Variants in UBE2E2 observed in about 807,000 individuals in gnomAD.
UBE2E2 encodes ubiquitin conjugating enzyme E2 E2, also known as ubiquitin-conjugating enzyme E2 E2.
UBE2E2 carries 6 observed loss-of-function variants against 24.7 expected under a neutral mutation model. The ratio of observed to expected loss-of-function variants is 0.24; its 90% CI spans 0.13 to 0.48. The LOEUF is 0.48. Among genes scored for constraint, UBE2E2 ranks in the 20% least tolerant of loss-of-function variants. The pLI is 0.99. For missense variants in UBE2E2, 169 were observed against 245.0 expected (o/e 0.69, Z 2.07); for synonymous variants, 104 against 83.6 (o/e 1.24, Z -1.33).
rs1159929391 is a variant in UBE2E2, at chr3:23,280,264, CT to C, written c.227+62958del. Reference sequence around the variant, plus strand: ...TTTATTAACCCTTTTATTTGTGACTCTTTTTTGGTATTCAGAATTGCACCCC... The same window carrying C: ...TTTATTAACCCTTTTATTTGTGACTCTTTTTGGTATTCAGAATTGCACCCC... On this transcript the variant is annotated intron_variant, in intron 3 of 5. Coordinates refer to ENST00000396703, the MANE Select transcript of UBE2E2 (RefSeq NM_152653.4). This position sits in a 1 kb window ranked among gnomAD's most constrained non-coding sequence, Gnocchi z 4.3. 1.3e-5 allele frequency among the ~76,000 whole-genome samples: 2 copies of C among 152,068 alleles called. No individual in the cohort carries two copies. The highest frequency in any genetic ancestry group is 2.9e-5 in the Non-Finnish European group (2 of 67,992).
intron 3 of UBE2E2, among the ~76,000 whole-genome samples, chr3:23,456,217 A>G (rs557898033): frequency 4.6e-5 from 7 of 152,288 alleles, no homozygotes; most frequent in African/African-American, 1.4e-4. Context: ...TTCTCTTGCT[A>G]TTTCTACCAT....
intron 3 of UBE2E2, among the ~76,000 whole-genome samples, chr3:23,292,930 G>A (rs984631674): frequency 3.0e-4 from 45 of 152,090 alleles, no homozygotes; most frequent in Non-Finnish European, 4.6e-4. Flanking sequence ...AAAATTAGCC[G>A]TACGTGGTGA....
intron 3 of UBE2E2, among the ~76,000 whole-genome samples, chr3:23,239,721 T>C (rs1207175317): frequency 6.6e-6 from 1 of 152,168 alleles, no homozygotes; most frequent in Non-Finnish European, 1.5e-5. Context: ...GAGTATTACA[T>C]AAGCCAGGCA....
intron 3 of UBE2E2, among the ~76,000 whole-genome samples, chr3:23,488,696 ATGGT>A (rs1559399987): frequency 6.6e-6 from 1 of 152,190 alleles, no homozygotes; most frequent in East Asian, 1.9e-4. Flanking sequence ...AGGGGCAGCA[ATGGT>A]TTACCCTCTT....
At position 23,334,977 on chromosome 3, in the gene UBE2E2, T is replaced by C. The variant is rs186396046; in HGVS notation, c.227+117665T>C. The stretch of plus-strand genomic sequence containing the variant: ...TTGAAATTTCCATTTTGTGAAAATT[T>C]GAGAGAAAGGAAACTTTTGAGCCTT... On this transcript the variant is annotated intron_variant, in intron 3 of 5. Transcript: ENST00000396703. 1.6e-3 allele frequency among the ~76,000 whole-genome samples: 251 copies of C among 152,318 alleles called. 2 individuals are homozygous for C. Among genetic ancestry groups the C allele is most frequent in the Admixed American group, 8.4e-3 (128 of 15,292 alleles).
chr3:23,371,377 A>T (rs928599506), intron 3 of UBE2E2, among the ~76,000 whole-genome samples: 2 of 151,992 alleles, frequency 1.3e-5, no homozygotes, highest in African/African-American at 2.4e-5. Context: ...AAATACCCAT[A>T]CCCTGCAGCA....
intron 3 of UBE2E2, among the ~76,000 whole-genome samples, chr3:23,314,026 A>G (rs1694498250): frequency 6.6e-6 from 1 of 152,222 alleles, no homozygotes; most frequent in African/African-American, 2.4e-5. Flanking sequence ...AGCAAACAAA[A>G]AGGAAACTAA....
At chr3:23,235,453 G>C (rs1023160814) in intron 3 of UBE2E2, among the ~76,000 whole-genome samples, 1 of 152,130 alleles carries the variant, frequency 6.6e-6, no homozygotes, top group African/African-American at 2.4e-5. Context: ...AGGGGGAGTG[G>C]GGAGTGGGCA....
At chr3:23,505,531 G>A (rs1694426544) in intron 4 of UBE2E2, among the ~76,000 whole-genome samples, 2 of 152,178 alleles carry the variant, frequency 1.3e-5, no homozygotes, top group South Asian at 4.1e-4. Context: ...GATAGTATCT[G>A]CTGGTGATAA....
intron 5 of UBE2E2, among the ~76,000 whole-genome samples, chr3:23,579,926 A>T (rs1696437636): frequency 6.6e-6 from 1 of 152,218 alleles, no homozygotes; most frequent in Non-Finnish European, 1.5e-5. Context: ...TGAGGGTTTC[A>T]CAACTTTTAT....
At chr3:23,383,800 T>A (rs1437027939) in intron 3 of UBE2E2, among the ~76,000 whole-genome samples, 1 of 152,062 alleles carries the variant, frequency 6.6e-6, no homozygotes, top group Admixed American at 6.6e-5. Flanking sequence ...ACTTTTAAAC[T>A]AAGTTATTCT....
At chr3:23,414,778 G>C (rs147891799) in intron 3 of UBE2E2, among the ~76,000 whole-genome samples, 64 of 152,290 alleles carry the variant, frequency 4.2e-4, no homozygotes, top group African/African-American at 1.5e-3. Flanking sequence ...CCTTATAAAA[G>C]AGGCTGAGGA....
intron 3 of UBE2E2, among the ~76,000 whole-genome samples, chr3:23,412,558 A>C (rs759708834): frequency 1.3e-5 from 2 of 152,216 alleles, no homozygotes; most frequent in Non-Finnish European, 2.9e-5. Flanking sequence ...AACAGGTTGG[A>C]ATGCCAGTTC....
intron 3 of UBE2E2, among the ~76,000 whole-genome samples, chr3:23,422,427 G>T (rs1553610253): frequency 6.6e-6 from 1 of 152,188 alleles, no homozygotes; most frequent in Non-Finnish European, 1.5e-5. Flanking sequence ...CACCAGTCCA[G>T]TGTTGCCAGG....
chr3:23,357,482 G>C (rs1356219618), intron 3 of UBE2E2, among the ~76,000 whole-genome samples: 1 of 152,008 alleles, frequency 6.6e-6, no homozygotes, highest in African/African-American at 2.4e-5. Flanking sequence ...TTCTTTTTCA[G>C]TTCTTAATAT....
At chr3:23,468,421 G>C (rs1321023755) in intron 3 of UBE2E2, among the ~76,000 whole-genome samples, 1 of 152,146 alleles carries the variant, frequency 6.6e-6, no homozygotes, top group Non-Finnish European at 1.5e-5. Flanking sequence ...AAACAAAAAA[G>C]ATGTTAAATC....
chr3:23,254,798 T>C (rs150298462), intron 3 of UBE2E2, among the ~76,000 whole-genome samples: 2 of 152,066 alleles, frequency 1.3e-5, no homozygotes, highest in African/African-American at 4.8e-5. Flanking sequence ...GAAGAGAGAA[T>C]GGATGTGAGG....
Position 23,280,534 on chromosome 3 carries a change from A to T in UBE2E2, c.227+63222A>T, listed in dbSNP as rs1238527075. Among the ~76,000 whole-genome samples the T allele has an allele frequency of 1.3e-5, 2 of 152,098 alleles. No individual in the cohort carries two copies. Among genetic ancestry groups the T allele is most frequent in the Non-Finnish European group, 2.9e-5 (2 of 68,016 alleles). ...TTCTTTTTTCCCATCCGTGGCTGGCAGTTGACAGTGTTGAGGTTGTCCTTT... is the reference window on the plus strand; with the variant it reads ...TTCTTTTTTCCCATCCGTGGCTGGCTGTTGACAGTGTTGAGGTTGTCCTTT... On this transcript the variant is annotated intron_variant, in intron 3 of 5. Transcript: ENST00000396703. This position sits in a 1 kb window ranked among gnomAD's most constrained non-coding sequence, Gnocchi z 4.3.
chr3:23,581,774 A>G (rs1475443601), intron 5 of UBE2E2, among the ~76,000 whole-genome samples: 21 of 152,218 alleles, frequency 1.4e-4, no homozygotes. Flanking sequence ...TTTCTTCCAT[A>G]CCACCTACCA....
Sources: gnomAD v4.1 joint callset for allele counts (sites outside exome capture counted in the v4.1 genomes callset) on GRCh38, gnomAD v4.1.1 for gene constraint, Gnocchi (gnomAD v3.1) non-coding constraint, MANE v1.5 for transcripts, NCBI Gene and HGNC (gene_info 2026-07-23, HGNC 2026-07-21) for gene names.